The following KIAA0319L variants were observed in gnomAD, a reference collection of about 807,000 sequenced individuals.
The protein encoded by KIAA0319L is KIAA0319 like.
A neutral mutation model predicts 120.1 loss-of-function variants in KIAA0319L; 55 were observed. That is an observed-to-expected ratio of 0.46 (90% CI 0.37 to 0.57). The LOEUF (loss-of-function observed/expected upper bound fraction) is 0.57. KIAA0319L is among the 20% of genes least tolerant of loss of function. The pLI, the probability that KIAA0319L is intolerant of heterozygous loss-of-function variation, is 0.00. For missense variants in KIAA0319L, 1,049 were observed against 1,255.3 expected, an observed-to-expected ratio of 0.84 and a Z score of 2.48; for synonymous variants, 398 against 471.9, an observed-to-expected ratio of 0.84 and a Z score of 2.03.
rs116837281 is a variant in KIAA0319L at position 35,483,769 on chromosome 1, T to C, written c.667-4557A>G. ...CTGCCATAATGAATTACTATAAACTTTGTGGCTTAAAACAATAGAAATTCA... is the reference window on the plus strand; with the variant it reads ...CTGCCATAATGAATTACTATAAACTCTGTGGCTTAAAACAATAGAAATTCA... On this transcript the variant is annotated intron_variant, in intron 3 of 20. Transcript: ENST00000325722. Among the ~76,000 whole-genome samples the C allele has an allele frequency of 5.3e-3, 809 of 152,328 alleles. 6 individuals carry two copies. Among genetic ancestry groups the C allele is most frequent in the African/African-American group, 0.018 (766 of 41,570 alleles).
At chr1:35,535,643 T>G (rs934454697) in intron 2 of KIAA0319L, among the ~76,000 whole-genome samples, 2 of 152,226 alleles carry the variant, frequency 1.3e-5, no homozygotes, top group African/African-American at 4.8e-5. Context: ...GCATATAGTA[T>G]TAAAAAGCTC....
chr1:35,441,662 G>T (rs932705759), intron 19 of KIAA0319L, among the ~76,000 whole-genome samples: 1 of 151,942 alleles, frequency 6.6e-6, no homozygotes, highest in African/African-American at 2.4e-5. Context: ...TCTTAAAAAT[G>T]ATATTACCTA....
At chr1:35,460,109 C>A (rs1365558671) in intron 9 of KIAA0319L, among the ~76,000 whole-genome samples, 196 bp downstream of exon 9, 2 of 152,146 alleles carry the variant, frequency 1.3e-5, no homozygotes, top group Admixed American at 6.6e-5. Flanking sequence ...TATACAAGAA[C>A]CTTTGCCCTA....
intron 3 of KIAA0319L, among the ~76,000 whole-genome samples, chr1:35,483,534 T>C (rs1644254680): frequency 6.6e-6 from 1 of 152,232 alleles, no homozygotes; most frequent in Non-Finnish European, 1.5e-5. Flanking sequence ...CAATGGACCA[T>C]ATAGGTGTGG....
In KIAA0319L at chr1:35,453,481, C is replaced by T; in HGVS notation, c.1913+76G>A. 1 of 1,447,816 alleles carries T rather than the reference C, an allele frequency of 6.9e-7. No individual in the cohort carries two copies. The allele number at this position is 1,447,816 out of a possible 1,614,324, so 89.7% of individuals were successfully genotyped here. On this transcript the variant is annotated intron_variant, in intron 12 of 20. Transcript: ENST00000325722. The surrounding 1 kb of genome is among the most constrained non-coding windows in gnomAD (Gnocchi z 4.1). ...ATAAGCCAATAAGAGCAACTCAACT[C>T]ATAATAGCAAATAAAACCTTGCTCT...
chr1:35,502,420 TGTCATCATCATC>T (rs1558503525), intron 3 of KIAA0319L, among the ~76,000 whole-genome samples: 1 of 148,928 alleles, frequency 6.7e-6, no homozygotes, highest in African/African-American at 2.5e-5. Flanking sequence ...TTATTGCTGC[TGTCATCATCATC>T]ATCATCATCA....
chr1:35,535,686 G>A (rs1167685265), intron 2 of KIAA0319L, among the ~76,000 whole-genome samples: 1 of 152,112 alleles, frequency 6.6e-6, no homozygotes, highest in African/African-American at 2.4e-5. Flanking sequence ...TTATGTTGTT[G>A]TTGTTATACT....
At chr1:35,503,399 C>T (rs1431127525) in intron 3 of KIAA0319L, among the ~76,000 whole-genome samples, 2 of 152,226 alleles carry the variant, frequency 1.3e-5, no homozygotes, top group Non-Finnish European at 2.9e-5. Flanking sequence ...CATTGGCACA[C>T]TCCAGGAACT....
At chr1:35,443,379 T>G (rs1641369168) in intron 17 of KIAA0319L, 1 of 192,592 alleles carries the variant, frequency 5.2e-6, no homozygotes. Flanking sequence ...TTTGAAATAT[T>G]TAAGAAGACA....
At chr1:35,446,033 T>C (rs1280130877) in intron 16 of KIAA0319L, among the ~76,000 whole-genome samples, 1 of 152,188 alleles carries the variant, frequency 6.6e-6, no homozygotes, top group Non-Finnish European at 1.5e-5. Context: ...TACTTATCCC[T>C]AATCGTGCTA....
At chr1:35,548,344 A>T (rs1445550787) in intron 2 of KIAA0319L, among the ~76,000 whole-genome samples, 1 of 151,976 alleles carries the variant, frequency 6.6e-6, no homozygotes, top group Admixed American at 6.6e-5. Flanking sequence ...CTCCATCTCC[A>T]CAATTACCAC....
chr1:35,507,188 G>A lies in KIAA0319L; in HGVS notation c.143-53C>T, dbSNP rs960662684. On this transcript the variant is annotated intron_variant, in intron 2 of 20. Transcript: ENST00000325722. ...AGATGAAATAAAAACAGAGACTACT[G>A]CTCCATAAAGAGCCCTGAGAACCAA... is the stretch of plus-strand genomic sequence containing the variant. 5.4e-6 allele frequency: 8 copies of A among 1,483,344 alleles called. No individual in the cohort carries two copies. The African/African-American group carries it at 1.1e-4, about 21-fold the overall frequency. 91.9% of individuals were successfully genotyped at this position (1,483,344 alleles called of 1,614,324 possible).
At chr1:35,477,545 T>C (rs1643947085) in intron 4 of KIAA0319L, among the ~76,000 whole-genome samples, 1 of 151,558 alleles carries the variant, frequency 6.6e-6, no homozygotes, top group Non-Finnish European at 1.5e-5. Context: ...TGGGCGCCTG[T>C]AGTCCCAGCT....
intron 2 of KIAA0319L, among the ~76,000 whole-genome samples, chr1:35,530,454 CTT>C (rs767337170): frequency 6.6e-6 from 1 of 152,036 alleles, no homozygotes; most frequent in African/African-American, 2.4e-5. Context: ...TATGCTATCT[CTT>C]TGGTGAATTT....
intron 3 of KIAA0319L, 120 bp from the exon 4 acceptor site, chr1:35,479,332 T>A: frequency 1.3e-6 from 1 of 751,782 alleles, no homozygotes; most frequent in Non-Finnish European, 2.1e-6. Flanking sequence ...TCAAAAATAT[T>A]AAAGAAACTA....
intron 3 of KIAA0319L, among the ~76,000 whole-genome samples, chr1:35,494,340 T>C (rs1489204752): frequency 6.6e-6 from 1 of 151,480 alleles, no homozygotes; most frequent in Non-Finnish European, 1.5e-5. Flanking sequence ...TCCCAGCTAC[T>C]CAAGAGGCTG....
At chr1:35,470,662 G>A (rs1444426098) in intron 6 of KIAA0319L, among the ~76,000 whole-genome samples, 1 of 152,114 alleles carries the variant, frequency 6.6e-6, no homozygotes, top group Non-Finnish European at 1.5e-5. Flanking sequence ...CTACCATGCT[G>A]GTACAGTCTT....
At position 35,462,637 on chromosome 1, in the gene KIAA0319L, T is replaced by C. The variant is rs751469753; in HGVS notation, c.1278A>G (p.Thr426=). 6.2e-7 allele frequency: 1 copy of C among 1,613,008 alleles called. No homozygotes were observed. Among genetic ancestry groups the C allele is most frequent in the East Asian group, 2.2e-5 (1 of 44,872 alleles). ...AGTACTCACGACTGCCATCAATGAC[T>C]GTAGAAGTGGTTGGCAAAGAGATCT... ...FQEISLPTTS[T]VIDGSQSTDD... is the part of the protein sequence containing the mutation. The change falls in exon 8 of 21, where the codon ACA becomes ACG. Residue 426 remains threonine, a synonymous_variant. Transcript: ENST00000325722.
At position 35,477,584 on chromosome 1, in the gene KIAA0319L, A is replaced by G. The variant is rs186902145; in HGVS notation, c.913+1382T>C. Among the ~76,000 whole-genome samples the G allele has an allele frequency of 6.5e-4, 98 of 149,958 alleles. 1 individual carries two copies. In the Middle Eastern group the frequency reaches 0.01, roughly 16 times the overall value. On this transcript the variant is annotated intron_variant, in intron 4 of 20. Coordinates refer to ENST00000325722, the MANE Select transcript of KIAA0319L (RefSeq NM_024874.5). ...CGGGAGGCTGAGGCAGGAGAATGGC[A>G]TGAACCCAGGAGGCGCAGCTTGCAG... is the stretch of plus-strand genomic sequence containing the variant.
Sources: gnomAD v4.1 joint callset for allele counts (sites outside exome capture counted in the v4.1 genomes callset) on GRCh38, gnomAD v4.1.1 for gene constraint, Gnocchi (gnomAD v3.1) non-coding constraint, MANE v1.5 for transcripts, NCBI Gene and HGNC (gene_info 2026-07-23, HGNC 2026-07-21) for gene names.